Variants in PLSCR4 observed in about 807,000 individuals in gnomAD.
PLSCR4 encodes the protein phospholipid scramblase 4, also known as Ca(2+)-dependent phospholipid scramblase 4.
A neutral mutation model predicts 36.3 loss-of-function variants in PLSCR4; 25 were observed. That is an observed-to-expected ratio of 0.69 (90% confidence interval 0.50 to 0.96). PLSCR4 has a LOEUF of 0.96. Ranked by LOEUF, PLSCR4 falls within the 40% of genes least tolerant of loss-of-function variation. PLSCR4 has a pLI of 0.00. For synonymous variants in PLSCR4, 122 were observed against 132.9 expected, an observed-to-expected ratio of 0.92 and a Z score of 0.56; for missense variants, 408 against 414.7, an observed-to-expected ratio of 0.98 and a Z score of 0.14.
At chr3:146,226,218 ATGTCT>A (rs1466467940) in intron 1 of PLSCR4, among the ~76,000 whole-genome samples, 1 of 152,202 alleles carries the variant, frequency 6.6e-6, no homozygotes, top group Non-Finnish European at 1.5e-5. Flanking sequence ...AACAAGGCTA[ATGTCT>A]TGTCATTAGT....
In PLSCR4 at chr3:146,206,612, T is replaced by C. The variant is rs199873177; in HGVS notation, c.268A>G (p.Met90Val). ...GTTATTGGAACAGACTGATTTGGCA[T>C]AGGATATTTGCCAGGCTGATACCGG... Reference protein sequence around the residue: ...PVRYQPGKYPMPNQSVPITWM... With the variant: ...PVRYQPGKYPVPNQSVPITWM... The change falls in exon 4 of 9, where the codon ATG becomes GTG. Residue 90 changes from methionine (M) to valine (V), a missense_variant. Coordinates refer to ENST00000354952, the MANE Select transcript of PLSCR4 (RefSeq NM_020353.3). 2 of 1,613,548 alleles carry C rather than the reference T, an allele frequency of 1.2e-6. No homozygotes were observed. The highest frequency in any genetic ancestry group is 4.5e-5 in the East Asian group (2 of 44,848).
chr3:146,224,676 G>C (rs1015641783), intron 1 of PLSCR4, among the ~76,000 whole-genome samples: 1 of 151,814 alleles, frequency 6.6e-6, no homozygotes, highest in African/African-American at 2.4e-5. Context: ...AGTGTGGAAG[G>C]GGACCCGAGC....
chr3:146,223,986 G>T (rs1013737530), intron 1 of PLSCR4, among the ~76,000 whole-genome samples: 4 of 143,128 alleles, frequency 2.8e-5, no homozygotes, highest in South Asian at 2.2e-4. Context: ...ATTTATTCTG[G>T]GGCATACCAA....
chr3:146,210,560 T>C (rs537882712), intron 3 of PLSCR4, among the ~76,000 whole-genome samples: 1 of 152,232 alleles, frequency 6.6e-6, no homozygotes, highest in Non-Finnish European at 1.5e-5. Flanking sequence ...TTCCAATCTA[T>C]TGCAACAGGA....
chr3:146,200,155 G>A, intron 5 of PLSCR4, 116 bp from the exon 6 acceptor site: 1 of 639,748 alleles, frequency 1.6e-6, no homozygotes. Context: ...AGTTTCAGGT[G>A]AAATATGTAG....
At chr3:146,194,766 TAG>T (rs1379916667) in intron 8 of PLSCR4, among the ~76,000 whole-genome samples, 4 of 152,276 alleles carry the variant, frequency 2.6e-5, no homozygotes, top group African/African-American at 9.6e-5. Flanking sequence ...ACATCCACTT[TAG>T]AGTTATTTCA....
intron 1 of PLSCR4, among the ~76,000 whole-genome samples, chr3:146,248,989 T>A (rs954461324): frequency 1.3e-5 from 2 of 152,168 alleles, no homozygotes; most frequent in Admixed American, 1.3e-4. Context: ...GTATTCACTC[T>A]GCTTATTATT....
chr3:146,241,034 T>C (rs4681306), intron 1 of PLSCR4, among the ~76,000 whole-genome samples: 121,804 of 151,966 alleles, frequency 0.8, 49,228 homozygotes, highest in Non-Finnish European at 0.87. Context: ...ATACATGCTA[T>C]ATCCTGGATG....
At chr3:146,250,447 C>G (rs918565037) in intron 1 of PLSCR4, 17 of 152,112 alleles carry the variant, frequency 1.1e-4, no homozygotes, top group Admixed American at 7.2e-4. Context: ...TCAAGCACAG[C>G]CCCAAATCGC....
intron 1 of PLSCR4, among the ~76,000 whole-genome samples, chr3:146,225,043 A>G (rs1361636453): frequency 1.3e-5 from 2 of 151,680 alleles, no homozygotes; most frequent in East Asian, 1.9e-4. Flanking sequence ...AGCTAAATAC[A>G]GAGTGCCAAT....
intron 1 of PLSCR4, among the ~76,000 whole-genome samples, chr3:146,242,031 G>C (rs368352273): frequency 6.6e-6 from 1 of 152,208 alleles, no homozygotes; most frequent in Non-Finnish European, 1.5e-5. Flanking sequence ...AATGATGGTA[G>C]TGGAGCTTCA....
At chr3:146,214,502 T>C (rs371123606) in intron 3 of PLSCR4, among the ~76,000 whole-genome samples, 2 of 152,236 alleles carry the variant, frequency 1.3e-5, no homozygotes, top group South Asian at 2.1e-4. Context: ...TGTTTTGGCA[T>C]ACTGTGTTTC....
intron 3 of PLSCR4, among the ~76,000 whole-genome samples, chr3:146,207,000 A>G (rs2034371950): frequency 6.6e-6 from 1 of 152,122 alleles, no homozygotes; most frequent in Non-Finnish European, 1.5e-5. Context: ...TCCCATTTCA[A>G]TGGTACAAAA....
intron 1 of PLSCR4, among the ~76,000 whole-genome samples, chr3:146,244,033 G>A (rs538408695): frequency 1.3e-5 from 2 of 152,158 alleles, no homozygotes; most frequent in African/African-American, 4.8e-5. Context: ...CTGTACTAAT[G>A]ATACATCCTA....
At position 146,196,653 on chromosome 3, in the gene PLSCR4, A is replaced by G; in HGVS notation, c.765T>C (p.Cys255=). The change falls in exon 7 of 9, where the codon TGT becomes TGC. Residue 255 remains cysteine, a synonymous_variant. Coordinates refer to ENST00000354952, the MANE Select transcript of PLSCR4 (RefSeq NM_020353.3). ...TCACCTCAAAAACAGAATCTGAACC[A>G]CAGCCATAGGTTGAGCATGGCCCAC... ...RVRGPCSTYG[C]GSDSVFEVKS... The G allele has an allele frequency of 6.2e-7, 1 of 1,613,960 alleles. No individual in the cohort carries two copies. The highest frequency in any genetic ancestry group is 8.5e-7 in the Non-Finnish European group (1 of 1,179,868).
At chr3:146,241,455 C>T (rs997008557) in intron 1 of PLSCR4, among the ~76,000 whole-genome samples, 3 of 152,056 alleles carry the variant, frequency 2.0e-5, no homozygotes, top group Non-Finnish European at 4.4e-5. Flanking sequence ...AAGTAAGAGA[C>T]AATTTCTTAA....
intron 1 of PLSCR4, among the ~76,000 whole-genome samples, chr3:146,228,020 G>C (rs13073311): frequency 6.6e-6 from 1 of 152,328 alleles, no homozygotes; most frequent in East Asian, 1.9e-4. Context: ...CAGTGGTCCA[G>C]AGTGGGTTCA....
chr3:146,236,602 A>C (rs1421239287), intron 1 of PLSCR4, among the ~76,000 whole-genome samples: 1 of 152,124 alleles, frequency 6.6e-6, no homozygotes, highest in Admixed American at 6.5e-5. Flanking sequence ...GTTTCCCTGC[A>C]CAAGCTCTTC....
chr3:146,207,172 G>A (rs1034494303), intron 3 of PLSCR4, among the ~76,000 whole-genome samples: 1 of 151,966 alleles, frequency 6.6e-6, no homozygotes, highest in Non-Finnish European at 1.5e-5. Flanking sequence ...GCAAATTTTT[G>A]TTATTATGTC....
Sources: allele counts gnomAD v4.1 joint callset (sites outside exome capture counted in the v4.1 genomes callset), GRCh38; gene constraint gnomAD v4.1.1; transcripts MANE v1.5; gene names NCBI Gene and HGNC (gene_info 2026-07-23, HGNC 2026-07-21).